Variants in PDZD7 observed in about 807,000 individuals in gnomAD.
PDZD7 encodes PDZ domain containing 7, also known as PDZ domain-containing protein 7.
In PDZD7, 72 loss-of-function variants were observed where a neutral mutation model predicts 84.7. That is an observed-to-expected ratio of 0.85 (90% CI 0.70 to 1.03). The LOEUF (loss-of-function observed/expected upper bound fraction) is 1.03, where lower values mean the gene tolerates loss of function less well. Ranked by LOEUF, PDZD7 falls within the 50% of genes least tolerant of loss-of-function variation. The pLI, the probability that PDZD7 is intolerant of heterozygous loss-of-function variation, is 0.00. For missense variants in PDZD7, 1,490 were observed against 1,412.9 expected (o/e 1.05, Z -0.87); for synonymous variants, 594 against 580.7 (o/e 1.02, Z -0.33).
At chr10:101,009,492 A>G in intron 15 of PDZD7, 142 bp from the exon 16 acceptor site, 1 of 686,690 alleles carries the variant, frequency 1.5e-6, no homozygotes, top group Non-Finnish European at 2.5e-6. Context: ...TCAAATCTCA[A>G]CTCATTCCAA....
Position 101,016,384 on chromosome 10 carries a change from C to T in PDZD7, c.1566G>A (p.Leu522=), listed in dbSNP as rs1165399139. Residue 522 remains leucine, a synonymous_variant, in exon 10 of 17, where the codon CTG becomes CTA. Coordinates refer to ENST00000619208, the MANE Select transcript of PDZD7 (RefSeq NM_001195263.2). ...AAGGGATGCATGAATTACCACGTCT[C>T]AGTCTCCAGGTGACAAACTTCTGTA... ...GPVQKFVTWR[L]RRDQERGRAL... is the part of the protein sequence containing the mutation. 1.3e-6 allele frequency: 2 copies of T among 1,550,584 alleles called. No individual in the cohort carries two copies. Among genetic ancestry groups the T allele is most frequent in the Admixed American group, 2.0e-5 (1 of 50,992 alleles).
Position 101,022,341 on chromosome 10 carries a change from G to A in PDZD7, c.587C>T (p.Ser196Leu). Residue 196 changes from serine (S) to leucine (L), a missense_variant, in exon 5 of 17, where the codon TCA (serine) becomes TTA (leucine). Physicochemically the swap from Ser to Leu is moderately radical, Grantham distance 145. Coordinates refer to ENST00000619208, the MANE Select transcript of PDZD7 (RefSeq NM_001195263.2). ...TTCTGAGCTGGTGTCGGAGGGTGTT[G>A]AACCGCACTTCTCCACTACCAGGCG... ...NRRLVVEKCG[S>L]TPSDTSSEDG... 1 of 1,614,166 alleles carries A rather than the reference G, an allele frequency of 6.2e-7. No individual in the cohort carries two copies. The highest frequency in any genetic ancestry group is 1.1e-5 in the South Asian group (1 of 91,076).
intron 11 of PDZD7, among the ~76,000 whole-genome samples, chr10:101,014,974 T>C (rs1251585412): frequency 6.6e-6 from 1 of 152,234 alleles, no homozygotes; most frequent in Non-Finnish European, 1.5e-5. Flanking sequence ...CTGCCAGTCC[T>C]GGAGTGAGTG....
chr10:101,022,808 T>A (rs1253585645), intron 4 of PDZD7, among the ~76,000 whole-genome samples: 2 of 152,084 alleles, frequency 1.3e-5, no homozygotes, highest in Non-Finnish European at 2.9e-5. Flanking sequence ...GTTTCACTCC[T>A]GCTGCCCAGG....
chr10:101,018,929 C>T lies in PDZD7; in HGVS notation c.1217G>A (p.Arg406His), dbSNP rs745637261. ...AIRSDGPHPGRRLDSALSESP... is the reference protein window; with the variant it reads ...AIRSDGPHPGHRLDSALSESP... The stretch of plus-strand genomic sequence containing the variant: ...CTCAGAGAGCGCAGAGTCAAGGCGG[C>T]GGCCGGGATGGGGGCCGTCCGAGCG... The change falls in exon 8 of 17, where the codon CGC (arginine) becomes CAC (histidine). Residue 406 changes from arginine to histidine, a missense_variant. Transcript: ENST00000619208. The T allele has an allele frequency of 6.2e-7, 1 of 1,603,010 alleles. No individual in the cohort carries two copies. Among genetic ancestry groups the T allele is most frequent in the Admixed American group, 1.7e-5 (1 of 58,398 alleles).
chr10:101,020,567 C>A, intron 7 of PDZD7, 51 bp downstream of exon 7: 1 of 1,549,882 alleles, frequency 6.5e-7, no homozygotes, highest in South Asian at 1.1e-5. Context: ...CGGGCCCCAC[C>A]CTAAGGCCTC....
At chr10:101,010,247 C>A (rs147777665) in intron 15 of PDZD7, 25 bp downstream of exon 15, 2 of 1,502,616 alleles carry the variant, frequency 1.3e-6, no homozygotes, top group Non-Finnish European at 1.8e-6. Flanking sequence ...TGTCCTCTGC[C>A]GGGCCCAGTC....
At chr10:101,022,829 A>G (rs1201611712) in intron 4 of PDZD7, among the ~76,000 whole-genome samples, 2 of 151,656 alleles carry the variant, frequency 1.3e-5, no homozygotes, top group African/African-American at 4.8e-5. Flanking sequence ...CTAGAGTGCA[A>G]TGGTATGATC....
intron 16 of PDZD7, 69 bp from the exon 17 acceptor site, chr10:101,008,919 G>T: frequency 7.0e-7 from 1 of 1,438,086 alleles, no homozygotes; most frequent in Non-Finnish European, 9.1e-7. Context: ...CAACCTGAAG[G>T]CAGCATCTTC....
At chr10:101,013,301 G>A (rs1852462948) in intron 11 of PDZD7, among the ~76,000 whole-genome samples, 1 of 152,146 alleles carries the variant, frequency 6.6e-6, no homozygotes, top group Admixed American at 6.6e-5. Context: ...TAAGTGCCAG[G>A]CCCTGTACTG....
intron 2 of PDZD7, among the ~76,000 whole-genome samples, chr10:101,027,924 C>T (rs1398698768): frequency 6.6e-6 from 1 of 152,082 alleles, no homozygotes; most frequent in Non-Finnish European, 1.5e-5. Flanking sequence ...GTAATGCTTT[C>T]CTGGATTAAA....
Position 101,007,748 on chromosome 10 carries a change from C to A in PDZD7, c.*719G>T. ...CTCTCCCTTCACCCAGGTTTATGGCCTCGTTTTCACTTGTATATTTTTCAC... is the reference window on the plus strand; with the variant it reads ...CTCTCCCTTCACCCAGGTTTATGGCATCGTTTTCACTTGTATATTTTTCAC... On this transcript the variant is annotated 3_prime_UTR_variant, in exon 17 of 17. Coordinates refer to ENST00000619208, the MANE Select transcript of PDZD7 (RefSeq NM_001195263.2). 1.5e-6 allele frequency: 1 copy of A among 647,756 alleles called. No homozygotes were observed. The highest frequency in any genetic ancestry group is 2.0e-6 in the Non-Finnish European group (1 of 510,798). 40.1% of individuals were successfully genotyped at this position (647,756 alleles called of 1,614,324 possible). A position where few individuals can be genotyped will look rare whatever the true frequency, so the allele number is the denominator to read the frequency against.
rs1479178222 is a variant in PDZD7, at chr10:101,008,449, C to T, written c.*18G>A. Reference sequence around the variant, plus strand: ...GGGATGCTGGAGTCAGTGGGTGAATCTGAGGTTAGGGGGAGGGTCATGGGA... The same window carrying T: ...GGGATGCTGGAGTCAGTGGGTGAATTTGAGGTTAGGGGGAGGGTCATGGGA... On this transcript the variant is annotated 3_prime_UTR_variant, in exon 17 of 17. Transcript: ENST00000619208. The T allele has an allele frequency of 2.0e-6, 3 of 1,484,286 alleles. No individual in the cohort carries two copies. Among genetic ancestry groups the T allele is most frequent in the Non-Finnish European group, 2.7e-6 (3 of 1,119,426 alleles). 91.9% of individuals were successfully genotyped at this position (1,484,286 alleles called of 1,614,324 possible). A position where few individuals can be genotyped will look rare whatever the true frequency, so the allele number is the denominator to read the frequency against.
rs943214411 is a variant in PDZD7, at chr10:101,019,207, C to T, written c.939G>A (p.Gly313=). The change falls in exon 8 of 17, where the codon GGG becomes GGA. Residue 313 remains glycine, a synonymous_variant. Transcript: ENST00000619208. ...AGGCCGGGGACAGCTGCTGCAGCACCCCGTTGCTCACTGCAGGGAGTAGAG... is the reference window on the plus strand; with the variant it reads ...AGGCCGGGGACAGCTGCTGCAGCACTCCGTTGCTCACTGCAGGGAGTAGAG... The part of the protein sequence containing the change: ...EYCWLDRLSN[G]VLQQLSPASE... 3.1e-5 allele frequency: 48 copies of T among 1,535,666 alleles called. No individual in the cohort carries two copies. The highest frequency in any genetic ancestry group is 4.2e-5 in the Non-Finnish European group (48 of 1,146,812).
Position 101,011,636 on chromosome 10 carries a change from T to C in PDZD7, c.2005+54A>G. The C allele has an allele frequency of 3.3e-6, 5 of 1,529,000 alleles. No homozygotes were observed. The Admixed American group carries it at 9.9e-5, about 30-fold the overall frequency. The allele number at this position is 1,529,000 out of a possible 1,614,324, so 94.7% of individuals were successfully genotyped here. A position where few individuals can be genotyped will look rare whatever the true frequency, so the allele number is the denominator to read the frequency against. On this transcript the variant is annotated intron_variant, in intron 14 of 16. Transcript: ENST00000619208. ...AAGAAGTAGAAGGCCCATCCTCCTT[T>C]CCCTAATCTCCCCAGGGCTGTGCCC...
chr10:101,008,713 G>T lies in PDZD7; in HGVS notation c.2856C>A (p.Pro952=). 2 of 1,535,996 alleles carry T rather than the reference G, an allele frequency of 1.3e-6. No homozygotes were observed. Among genetic ancestry groups the T allele is most frequent in the Non-Finnish European group, 1.7e-6 (2 of 1,146,850 alleles). ...AGTCAGAGGGTGAGGGCCGTGGGCTGGGCCCGGGGACCCTGACCACAAGCT... is the reference window on the plus strand; with the variant it reads ...AGTCAGAGGGTGAGGGCCGTGGGCTTGGCCCGGGGACCCTGACCACAAGCT... ...PMELVVRVPG[P]SPRPSPSDSS... Residue 952 remains proline (P), a synonymous_variant, in exon 17 of 17, where the codon CCC becomes CCA. Transcript: ENST00000619208.
At chr10:101,030,499 C>G (rs1004207164) in intron 1 of PDZD7, 115 bp from the exon 2 acceptor site, 20 of 597,650 alleles carry the variant, frequency 3.3e-5, no homozygotes, top group East Asian at 2.0e-4. Context: ...CTTAGGCCCC[C>G]CTCCTGTCTC....
At chr10:101,014,111 G>A (rs1175354220) in intron 11 of PDZD7, among the ~76,000 whole-genome samples, 2 of 151,210 alleles carry the variant, frequency 1.3e-5, no homozygotes, top group African/African-American at 2.4e-5. Flanking sequence ...CGCTCACCTC[G>A]GCCACCCAAA....
At chr10:101,015,274 C>T (rs1010134520) in intron 11 of PDZD7, among the ~76,000 whole-genome samples, 2 of 152,196 alleles carry the variant, frequency 1.3e-5, no homozygotes, top group Admixed American at 6.5e-5. Flanking sequence ...CCCCACGTGG[C>T]ACCTGTCCGC....
Sources: gnomAD v4.1 joint callset for allele counts (sites outside exome capture counted in the v4.1 genomes callset) on GRCh38, gnomAD v4.1.1 for gene constraint, MANE v1.5 for transcripts, NCBI Gene and HGNC (gene_info 2026-07-23, HGNC 2026-07-21) for gene names.